Variants in EPB41L4A observed in about 807,000 individuals in gnomAD.
EPB41L4A encodes erythrocyte membrane protein band 4.1 like 4A.
A neutral mutation model predicts 108.6 loss-of-function variants in EPB41L4A; 100 were observed. The ratio of observed to expected loss-of-function variants is 0.92; its 90% CI spans 0.78 to 1.09. The LOEUF is 1.09. EPB41L4A is among the 50% of genes least tolerant of loss of function. The pLI is 0.00. For missense variants in EPB41L4A, 1,030 were observed against 842.7 expected (o/e 1.22, Z -2.75); for synonymous variants, 319 against 289.0 (o/e 1.10, Z -1.05).
At chr5:112,328,850 A>C (rs1756364284) in intron 1 of EPB41L4A, among the ~76,000 whole-genome samples, 1 of 152,258 alleles carries the variant, frequency 6.6e-6, no homozygotes, top group Non-Finnish European at 1.5e-5. Flanking sequence ...TACATAATGA[A>C]TTACCTTATG....
At chr5:112,303,764 T>C (rs1373134805) in intron 2 of EPB41L4A, among the ~76,000 whole-genome samples, 1 of 152,176 alleles carries the variant, frequency 6.6e-6, no homozygotes, top group Admixed American at 6.5e-5. Flanking sequence ...CATGGTGATA[T>C]GTTTAGGAAA....
intron 4 of EPB41L4A, among the ~76,000 whole-genome samples, chr5:112,271,750 T>C (rs1224373962): frequency 6.6e-6 from 1 of 152,216 alleles, no homozygotes; most frequent in African/African-American, 2.4e-5. Flanking sequence ...TAATAAAGAA[T>C]AGAGAGATCA....
At chr5:112,361,060 C>A (rs1242583431) in intron 1 of EPB41L4A, among the ~76,000 whole-genome samples, 2 of 151,928 alleles carry the variant, frequency 1.3e-5, no homozygotes, top group South Asian at 2.1e-4. Context: ...ATGACGATGG[C>A]GGTTTTGTCA....
intron 1 of EPB41L4A, among the ~76,000 whole-genome samples, chr5:112,348,551 G>A (rs777288852): frequency 2.0e-5 from 3 of 152,304 alleles, no homozygotes; most frequent in East Asian, 3.9e-4. Context: ...TCACACTGCA[G>A]GGGAAGGGGA....
downstream of EPB41L4A, among the ~76,000 whole-genome samples, chr5:112,158,768 T>C (rs1399503752): frequency 1.3e-5 from 2 of 152,112 alleles, no homozygotes; most frequent in Non-Finnish European, 2.9e-5. Context: ...GAAAATAGCA[T>C]GAAGGTAACC....
chr5:112,329,227 T>C (rs763777998), intron 1 of EPB41L4A, among the ~76,000 whole-genome samples: 2 of 152,264 alleles, frequency 1.3e-5, no homozygotes, highest in Non-Finnish European at 2.9e-5. Flanking sequence ...TTTAGATATA[T>C]TGAATTAAAT....
intron 1 of EPB41L4A, among the ~76,000 whole-genome samples, chr5:112,335,415 T>C (rs1210229364): frequency 1.3e-5 from 2 of 152,212 alleles, no homozygotes; most frequent in African/African-American, 4.8e-5. Context: ...TTTGAAATCT[T>C]ACCAGATCTA....
intron 2 of EPB41L4A, among the ~76,000 whole-genome samples, chr5:112,305,053 C>A (rs1260937422): frequency 1.3e-5 from 2 of 152,126 alleles, no homozygotes; most frequent in African/African-American, 4.8e-5. Context: ...GAAGACTGCG[C>A]TGCTGCAATT....
At chr5:112,260,158 A>C (rs543068936) in intron 7 of EPB41L4A, among the ~76,000 whole-genome samples, 179 bp from the exon 8 acceptor site, 2 of 152,336 alleles carry the variant, frequency 1.3e-5, no homozygotes, top group African/African-American at 4.8e-5. Flanking sequence ...TTTTTTTCAA[A>C]GTTTTAAAAG....
chr5:112,169,723 G>A (rs62372421), intron 20 of EPB41L4A, among the ~76,000 whole-genome samples: 112,497 of 152,188 alleles, frequency 0.74, 42,710 homozygotes, highest in East Asian at 1. Flanking sequence ...AGATGGGGAC[G>A]GAGGGTGGCT....
intron 18 of EPB41L4A, among the ~76,000 whole-genome samples, chr5:112,181,815 G>A (rs1457602507): frequency 1.3e-5 from 2 of 152,164 alleles, no homozygotes; most frequent in African/African-American, 4.8e-5. Flanking sequence ...GTGCACACCT[G>A]TAATCTCAGC....
chr5:112,170,876 G>C, intron 19 of EPB41L4A, 69 bp downstream of exon 19: 2 of 1,391,410 alleles, frequency 1.4e-6, no homozygotes, highest in Non-Finnish European at 2.0e-6. Flanking sequence ...TCAGTATCAG[G>C]AGTCTTCCTT....
chr5:112,182,057 A>AG (rs1185740057), intron 18 of EPB41L4A, among the ~76,000 whole-genome samples: 3 of 151,610 alleles, frequency 2.0e-5, no homozygotes, highest in Admixed American at 1.3e-4. Context: ...TGGGTGACAG[A>AG]GAAAAAAAAA....
At chr5:112,242,640 A>G (rs1749877383) in intron 9 of EPB41L4A, among the ~76,000 whole-genome samples, 1 of 152,162 alleles carries the variant, frequency 6.6e-6, no homozygotes, top group South Asian at 2.1e-4. Context: ...TATTTTCCAG[A>G]AGTTTTTCAC....
intron 9 of EPB41L4A, chr5:112,256,968 G>A (rs1010877002): frequency 6.6e-6 from 1 of 152,114 alleles, no homozygotes. Context: ...GAAGTTTAAT[G>A]CATGAAAGCA....
intron 13 of EPB41L4A, among the ~76,000 whole-genome samples, chr5:112,209,659 T>G (rs1433495924): frequency 6.6e-6 from 1 of 152,240 alleles, no homozygotes; most frequent in African/African-American, 2.4e-5. Context: ...AGACAATCTG[T>G]GAGTTCACCT....
At chr5:112,279,304 T>G (rs1752811779) in intron 3 of EPB41L4A, among the ~76,000 whole-genome samples, 1 of 152,112 alleles carries the variant, frequency 6.6e-6, no homozygotes, top group African/African-American at 2.4e-5. Context: ...TTCCTGCCCT[T>G]GGATCCATGG....
intron 9 of EPB41L4A, chr5:112,249,658 A>G (rs1444314588): frequency 1.3e-5 from 2 of 152,136 alleles, no homozygotes; most frequent in Non-Finnish European, 2.9e-5. Flanking sequence ...AAATTCACCA[A>G]TTTTGTCATT....
chr5:112,321,713 T>A (rs1032936127), intron 1 of EPB41L4A, among the ~76,000 whole-genome samples: 1 of 152,172 alleles, frequency 6.6e-6, no homozygotes, highest in Non-Finnish European at 1.5e-5. Flanking sequence ...AAGGGCTTTT[T>A]AAAATATAAT....
Sources: gnomAD v4.1 joint callset for allele counts (sites outside exome capture counted in the v4.1 genomes callset) on GRCh38, gnomAD v4.1.1 for gene constraint, MANE v1.5 for transcripts, NCBI Gene and HGNC (gene_info 2026-07-23, HGNC 2026-07-21) for gene names.